The following CDH20 variants were observed in gnomAD, a reference collection of about 807,000 sequenced individuals.
CDH20 encodes cadherin 20.
A neutral mutation model predicts 74.2 loss-of-function variants in CDH20; 29 were observed. That is an observed-to-expected ratio of 0.39 (90% CI 0.29 to 0.53). CDH20 has a LOEUF of 0.53. Ranked by LOEUF, CDH20 falls within the 20% of genes least tolerant of loss-of-function variation. The pLI, the probability that CDH20 is intolerant of heterozygous loss-of-function variation, is 0.69. For synonymous variants in CDH20, 469 were observed against 405.4 expected, an observed-to-expected ratio of 1.16 and a Z score of -1.88; for missense variants, 988 against 1,048.3, an observed-to-expected ratio of 0.94 and a Z score of 0.79.
chr18:61,373,017 T>C (rs1025939680), intron 1 of CDH20, among the ~76,000 whole-genome samples: 5 of 152,126 alleles, frequency 3.3e-5, no homozygotes, highest in African/African-American at 9.7e-5. Context: ...ACAAGAATGT[T>C]TGGACCATCT....
chr18:61,406,434 G>C (rs934139290), intron 1 of CDH20, among the ~76,000 whole-genome samples: 25 of 152,214 alleles, frequency 1.6e-4, no homozygotes, highest in Non-Finnish European at 5.9e-5. Context: ...AGGTATGAAG[G>C]CTTCAGCCAT....
At chr18:61,334,781 C>A (rs1909699077) in intron 1 of CDH20, among the ~76,000 whole-genome samples, 1 of 152,094 alleles carries the variant, frequency 6.6e-6, no homozygotes, top group Non-Finnish European at 1.5e-5. Context: ...TAGTACCAGA[C>A]AATCGGGGAG....
rs2535360 is a variant in CDH20, at chr18:61,515,367, G to C, written c.1017+7807G>C. On this transcript the variant is annotated intron_variant, in intron 6 of 11. Coordinates refer to ENST00000262717, the MANE Select transcript of CDH20 (RefSeq NM_031891.4). ...CCTCGCCCTGCTTCGGCTCGCGCACGGTGCACGCACCCACTGACCTGCGCC... is the reference window on the plus strand; with the variant it reads ...CCTCGCCCTGCTTCGGCTCGCGCACCGTGCACGCACCCACTGACCTGCGCC... 7.1e-4 allele frequency among the ~76,000 whole-genome samples: 108 copies of C among 151,466 alleles called. 3 individuals carry two copies. The East Asian group carries it at 0.02, about 28-fold the overall frequency.
chr18:61,441,971 C>T (rs906300836), intron 1 of CDH20, among the ~76,000 whole-genome samples: 1 of 152,098 alleles, frequency 6.6e-6, no homozygotes, highest in Non-Finnish European at 1.5e-5. Context: ...AAGACGACCC[C>T]AGTACCTGAT....
chr18:61,540,514 G>T (rs572194253), intron 9 of CDH20, among the ~76,000 whole-genome samples: 2 of 152,288 alleles, frequency 1.3e-5, no homozygotes, highest in African/African-American at 4.8e-5. Context: ...GACAGACTAA[G>T]AGCCAAGTGA....
intron 1 of CDH20, chr18:61,405,090 C>A (rs1041689544): frequency 3.0e-6 from 2 of 662,610 alleles, no homozygotes; most frequent in African/African-American, 3.6e-5. Flanking sequence ...TTTGCCTTGT[C>A]TGATCATCTT....
At chr18:61,504,019 A>G (rs1194064050) in intron 5 of CDH20, among the ~76,000 whole-genome samples, 1 of 61,378 alleles carries the variant, frequency 1.6e-5, no homozygotes, top group African/African-American at 6.4e-5. Flanking sequence ...ATTTGAGTAA[A>G]AACCTGAATG....
intron 1 of CDH20, among the ~76,000 whole-genome samples, chr18:61,417,578 T>TAAAAAAAAAAAAAAAAAAAAAAAAAAA (rs545256689): frequency 9.6e-5 from 6 of 62,344 alleles, no homozygotes; most frequent in African/African-American, 3.2e-4. Flanking sequence ...ATGTGGGAGC[T>TAAAAAAAAAAAAAAAAAAAAAAAAAAA]AAAAAAAAAA....
intron 4 of CDH20, among the ~76,000 whole-genome samples, chr18:61,501,393 A>G (rs1272486765): frequency 6.6e-6 from 1 of 152,122 alleles, no homozygotes; most frequent in East Asian, 1.9e-4. Flanking sequence ...TAATACTTTC[A>G]TAAACATTGC....
intron 1 of CDH20, among the ~76,000 whole-genome samples, chr18:61,450,396 A>G (rs1283615203): frequency 2.6e-5 from 4 of 151,844 alleles, no homozygotes; most frequent in Non-Finnish European, 5.9e-5. Context: ...TTAAAAAAAA[A>G]AAAAAAAAAC....
chr18:61,405,265 A>T, intron 1 of CDH20: 1 of 362,676 alleles, frequency 2.8e-6, no homozygotes, highest in South Asian at 2.3e-5. Context: ...ATGGCCCGGG[A>T]GCGAGAAAGG....
intron 1 of CDH20, among the ~76,000 whole-genome samples, chr18:61,446,303 C>T (rs149349552): frequency 7.9e-5 from 12 of 152,264 alleles, no homozygotes; most frequent in African/African-American, 1.9e-4. Flanking sequence ...ACACCTCAAC[C>T]GCATCAGCAT....
chr18:61,396,431 TG>T (rs1485118314), intron 1 of CDH20, among the ~76,000 whole-genome samples: 2 of 152,204 alleles, frequency 1.3e-5, no homozygotes, highest in Non-Finnish European at 2.9e-5. Flanking sequence ...AGTTTTTATC[TG>T]CTCAGAGGGC....
chr18:61,526,494 T>C lies in CDH20; in HGVS notation c.1018-1473T>C, dbSNP rs192259371. Among the ~76,000 whole-genome samples, 954 of 152,316 alleles carry C rather than the reference T, an allele frequency of 6.3e-3. 48 individuals are homozygous for C. The highest frequency in any genetic ancestry group is 0.058 in the Admixed American group (889 of 15,284). On this transcript the variant is annotated intron_variant, in intron 6 of 11. Coordinates refer to ENST00000262717, the MANE Select transcript of CDH20 (RefSeq NM_031891.4). The stretch of plus-strand genomic sequence containing the variant: ...GTTTAGCTAGAAAAATGTAAGTTAT[T>C]GCTATGTTGACACACAACTTTTAAG...
intron 1 of CDH20, among the ~76,000 whole-genome samples, chr18:61,343,299 C>T (rs746649281): frequency 6.6e-6 from 1 of 152,078 alleles, no homozygotes; most frequent in Non-Finnish European, 1.5e-5. Context: ...TATGGTATGC[C>T]AGTCATACAA....
chr18:61,544,058 T>G (rs937475580), intron 9 of CDH20, among the ~76,000 whole-genome samples: 1 of 152,252 alleles, frequency 6.6e-6, no homozygotes, highest in South Asian at 2.1e-4. Flanking sequence ...ATCCTATGCC[T>G]ACTAACATAC....
intron 1 of CDH20, among the ~76,000 whole-genome samples, chr18:61,377,514 C>G (rs1236756791): frequency 1.3e-5 from 2 of 151,870 alleles, no homozygotes; most frequent in Non-Finnish European, 2.9e-5. Flanking sequence ...CACCGAGAGC[C>G]CAATCCACTT....
chr18:61,383,218 C>A (rs150775225), intron 1 of CDH20, among the ~76,000 whole-genome samples: 215 of 152,202 alleles, frequency 1.4e-3, no homozygotes, highest in African/African-American at 5.0e-3. Context: ...ATCAAAAGTT[C>A]AATTATGTTC....
At chr18:61,366,754 A>G (rs1002671556) in intron 1 of CDH20, among the ~76,000 whole-genome samples, 1 of 152,170 alleles carries the variant, frequency 6.6e-6, no homozygotes, top group African/African-American at 2.4e-5. Flanking sequence ...TCAATTTTTC[A>G]TAATTCCCTT....
Sources: gnomAD v4.1 joint callset for allele counts (sites outside exome capture counted in the v4.1 genomes callset) on GRCh38, gnomAD v4.1.1 for gene constraint, MANE v1.5 for transcripts, NCBI Gene and HGNC (gene_info 2026-07-23, HGNC 2026-07-21) for gene names.